The following CEACAM5 variants were observed in gnomAD, a reference collection of about 807,000 sequenced individuals.
CEACAM5 encodes the protein cell adhesion molecule CEACAM5.
Under a neutral mutation model 63.0 loss-of-function variants are expected in CEACAM5, and 52 were observed. That is an observed-to-expected ratio of 0.83 (90% CI 0.66 to 1.04). The LOEUF (loss-of-function observed/expected upper bound fraction) is 1.04. Ranked by LOEUF, CEACAM5 falls within the 50% of genes least tolerant of loss-of-function variation. The probability of loss-of-function intolerance (pLI) is 0.00; values close to 1 mark genes in which losing one functional copy is unlikely to be tolerated. For missense variants in CEACAM5, 790 were observed against 864.8 expected, an observed-to-expected ratio of 0.91 and a Z score of 1.08; for synonymous variants, 357 against 351.3, an observed-to-expected ratio of 1.02 and a Z score of -0.18.
Position 41,709,996 on chromosome 19 carries a change from A to C in CEACAM5, c.381A>C (p.Ser127=). 6.2e-7 allele frequency: 1 copy of C among 1,611,190 alleles called. No individual in the cohort carries two copies. Among genetic ancestry groups the C allele is most frequent in the Non-Finnish European group, 8.5e-7 (1 of 1,178,164 alleles). ...TCTACACCCTACACGTCATAAAGTC[A>C]GATCTTGTGAATGAAGAAGCAACTG... The part of the protein sequence containing the change: ...TGFYTLHVIK[S]DLVNEEATGQ... Residue 127 remains serine (S), a synonymous_variant, in exon 2 of 10, where the codon TCA becomes TCC. Transcript: ENST00000221992.
chr19:41,716,077 G>T (rs1253881040), intron 4 of CEACAM5, among the ~76,000 whole-genome samples, 173 bp downstream of exon 4: 11 of 152,130 alleles, frequency 7.2e-5, no homozygotes, highest in Admixed American at 6.5e-4. Context: ...TTTTCTTCTT[G>T]TTCTGATTTC....
chr19:41,709,613 A>T, intron 1 of CEACAM5, 67 bp from the exon 2 acceptor site: 1 of 1,559,882 alleles, frequency 6.4e-7, no homozygotes, highest in Non-Finnish European at 8.7e-7. Flanking sequence ...CTCAGGACCC[A>T]GGACCCCATT....
intron 1 of CEACAM5, 89 bp from the exon 2 acceptor site, chr19:41,709,591 T>G: frequency 6.5e-7 from 1 of 1,528,558 alleles, no homozygotes; most frequent in Non-Finnish European, 8.8e-7. Flanking sequence ...GGCTGGGGGA[T>G]GAAGAGACCT....
intron 8 of CEACAM5, 104 bp from the exon 9 acceptor site, chr19:41,727,130 C>A: frequency 1.2e-6 from 1 of 866,714 alleles, no homozygotes; most frequent in Non-Finnish European, 2.0e-6. Flanking sequence ...CTTGAAGCAA[C>A]AAGTAGAGAC....
rs367862391 is a variant in CEACAM5 at position 41,715,864 on chromosome 19, T to A, written c.918T>A (p.Thr306=). 3.7e-6 allele frequency: 6 copies of A among 1,614,178 alleles called. No homozygotes were observed. The highest frequency in any genetic ancestry group is 5.1e-6 in the Non-Finnish European group (6 of 1,180,034). ...SYTCQAHNSD[T]GLNRTTVTTI... is the part of the protein sequence containing the mutation. ...CGTGCCAAGCCCATAACTCAGACAC[T>A]GGCCTCAATAGGACCACAGTCACGA... Residue 306 remains threonine, a synonymous_variant, in exon 4 of 10, where the codon ACT becomes ACA. Coordinates refer to ENST00000221992, the MANE Select transcript of CEACAM5 (RefSeq NM_004363.6).
rs1555817922 is a variant in CEACAM5 at position 41,729,991 on chromosome 19, A to G, written c.*844A>G. Among the ~76,000 whole-genome samples, 1 of 152,218 alleles carries G rather than the reference A, an allele frequency of 6.6e-6. No homozygotes were observed. The highest frequency in any genetic ancestry group is 1.9e-4 in the East Asian group (1 of 5,204). On this transcript the variant is annotated 3_prime_UTR_variant, in exon 10 of 10. Coordinates refer to ENST00000221992, the MANE Select transcript of CEACAM5 (RefSeq NM_004363.6). ...TAGAATGTCGTATTTGAGGATATAAACCCATAGGTAATAAACCCACAGGTA... is the reference window on the plus strand; with the variant it reads ...TAGAATGTCGTATTTGAGGATATAAGCCCATAGGTAATAAACCCACAGGTA...
intron 8 of CEACAM5, among the ~76,000 whole-genome samples, chr19:41,722,446 A>G (rs2072637793): frequency 6.6e-6 from 1 of 152,060 alleles, no homozygotes; most frequent in African/African-American, 2.4e-5. Flanking sequence ...CCATTTCCAG[A>G]ACTTTTTCAT....
At chr19:41,727,860 C>T (rs868969837) in intron 9 of CEACAM5, among the ~76,000 whole-genome samples, 14 of 152,290 alleles carry the variant, frequency 9.2e-5, no homozygotes, top group Middle Eastern at 3.4e-3. Context: ...TACCACCACT[C>T]CCTTATATAA....
intron 8 of CEACAM5, among the ~76,000 whole-genome samples, chr19:41,722,193 T>G (rs1188238051): frequency 2.7e-5 from 4 of 148,712 alleles, no homozygotes; most frequent in African/African-American, 1.0e-4. Flanking sequence ...AGGTCAGGAG[T>G]TCAAGATACA....
In CEACAM5 at chr19:41,717,717, C is replaced by G; in HGVS notation, c.1221C>G (p.Val407=). The G allele has an allele frequency of 1.2e-6, 2 of 1,614,104 alleles. No individual in the cohort carries two copies. The highest frequency in any genetic ancestry group is 1.7e-6 in the Non-Finnish European group (2 of 1,179,964). ...NELSVDHSDP[V]ILNVLYGPDD... Reference sequence around the variant, plus strand: ...TAAGTGTTGACCACAGCGACCCAGTCATCCTGAATGTCCTCTGTGAGTATC... The same window carrying G: ...TAAGTGTTGACCACAGCGACCCAGTGATCCTGAATGTCCTCTGTGAGTATC... The change falls in exon 5 of 10, where the codon GTC becomes GTG. Residue 407 remains valine, a synonymous_variant. Transcript: ENST00000221992.
rs369263590 is a variant in CEACAM5, at chr19:41,709,698, G to A, written c.83G>A (p.Trp28Ter). ...CTCCTAGCCTCACTTCTAACCTTCT[G>A]GAACCCGCCCACCACTGCCAAGCTC... is the stretch of plus-strand genomic sequence containing the variant. Reference protein sequence around the residue: ...LLLTASLLTFWNPPTTAKLTI... With the variant: ...LLLTASLLTF Residue 28 changes from tryptophan (W) to a stop codon, truncating the protein, a stop_gained, in exon 2 of 10, where the codon TGG becomes TAG. Coordinates refer to ENST00000221992, the MANE Select transcript of CEACAM5 (RefSeq NM_004363.6). LOFTEE classifies it high-confidence loss of function. 3.1e-6 allele frequency: 5 copies of A among 1,613,684 alleles called. No homozygotes were observed. The highest frequency in any genetic ancestry group is 4.2e-6 in the Non-Finnish European group (5 of 1,179,862).
chr19:41,720,643 A>G (rs1464696546), intron 7 of CEACAM5, among the ~76,000 whole-genome samples: 1 of 151,118 alleles, frequency 6.6e-6, no homozygotes, highest in Non-Finnish European at 1.5e-5. Context: ...AGTAACTGGG[A>G]TTACACACAC....
chr19:41,718,366 G>A lies in CEACAM5; in HGVS notation c.1476G>A (p.Lys492=), dbSNP rs781910977. 6.2e-6 allele frequency: 10 copies of A among 1,614,054 alleles called. No individual in the cohort carries two copies. In the South Asian group the frequency reaches 9.9e-5, roughly 16 times the overall value. The part of the protein sequence containing the change: ...SASGHSRTTV[K]TITVSAELPK... ...GTGGCCACAGCAGGACTACAGTCAA[G>A]ACAATCACAGTCTCTGGTAAGTGGA... is the stretch of plus-strand genomic sequence containing the variant. Residue 492 remains lysine, a synonymous_variant, in exon 6 of 10, where the codon AAG becomes AAA. Transcript: ENST00000221992.
At chr19:41,711,835 T>C (rs537289947) in intron 2 of CEACAM5, among the ~76,000 whole-genome samples, 1 of 152,028 alleles carries the variant, frequency 6.6e-6, no homozygotes, top group African/African-American at 2.4e-5. Context: ...TGAACAAGGC[T>C]GGCTGTCCTG....
At chr19:41,719,612 G>T (rs2072583813) in intron 6 of CEACAM5, among the ~76,000 whole-genome samples, 1 of 152,214 alleles carries the variant, frequency 6.6e-6, no homozygotes, top group Non-Finnish European at 1.5e-5. Context: ...CCCCAGGTTG[G>T]CCAGGCCGTC....
Position 41,717,612 on chromosome 19 carries a change from C to T in CEACAM5, c.1116C>T (p.Ser372=). ...CGGTCAGTCCCAGGCTGCAGCTGTC[C>T]AATGACAACAGGACCCTCACTCTAC... is the stretch of plus-strand genomic sequence containing the variant. ...SLPVSPRLQL[S]NDNRTLTLLS... is the part of the protein sequence containing the mutation. Residue 372 remains serine (S), a synonymous_variant, in exon 5 of 10, where the codon TCC becomes TCT. Coordinates refer to ENST00000221992, the MANE Select transcript of CEACAM5 (RefSeq NM_004363.6). 1 of 1,614,198 alleles carries T rather than the reference C, an allele frequency of 6.2e-7. No homozygotes were observed. Among genetic ancestry groups the T allele is most frequent in the Non-Finnish European group, 8.5e-7 (1 of 1,180,032 alleles).
At chr19:41,714,734 A>G (rs1377217816) in intron 2 of CEACAM5, among the ~76,000 whole-genome samples, 4 of 152,166 alleles carry the variant, frequency 2.6e-5, no homozygotes, top group African/African-American at 4.8e-5. Context: ...TCACAGCCCA[A>G]TGCTGCTGCT....
Position 41,727,219 on chromosome 19 carries a change from T to C in CEACAM5, c.2027-15T>C, listed in dbSNP as rs782785646. 2.2e-5 allele frequency: 36 copies of C among 1,600,466 alleles called. No homozygotes were observed. The Admixed American group carries it at 4.8e-4, about 21-fold the overall frequency. ...ATTCATTCCTTCTCTTTTCTTTCCA[T>C]GACGGACGATTCAGCATCTGGAACT... On this transcript the variant is annotated splice_polypyrimidine_tract_variant and intron_variant, in intron 8 of 9. Coordinates refer to ENST00000221992, the MANE Select transcript of CEACAM5 (RefSeq NM_004363.6).
chr19:41,718,344 G>A lies in CEACAM5; in HGVS notation c.1454G>A (p.Gly485Asp), dbSNP rs979767715. 6.2e-7 allele frequency: 1 copy of A among 1,614,036 alleles called. No individual in the cohort carries two copies. Among genetic ancestry groups the A allele is most frequent in the African/African-American group, 1.3e-5 (1 of 74,896 alleles). ...TGCCAGGCCAATAACTCAGCCAGTGGCCACAGCAGGACTACAGTCAAGACA... is the reference window on the plus strand; with the variant it reads ...TGCCAGGCCAATAACTCAGCCAGTGACCACAGCAGGACTACAGTCAAGACA... ...YTCQANNSAS[G>D]HSRTTVKTIT... is the part of the protein sequence containing the mutation. Residue 485 changes from glycine (G) to aspartate (D), a missense_variant, in exon 6 of 10, where the codon GGC (glycine) becomes GAC (aspartate). By Grantham distance (94) the Gly-to-Asp change is moderately conservative. Transcript: ENST00000221992.
Sources: allele counts gnomAD v4.1 joint callset (sites outside exome capture counted in the v4.1 genomes callset), GRCh38; gene constraint gnomAD v4.1.1; transcripts MANE v1.5; gene names NCBI Gene and HGNC (gene_info 2026-07-23, HGNC 2026-07-21).